The following PCDH15 variants were observed in gnomAD, a reference collection of about 807,000 sequenced individuals.
PCDH15 encodes the protein protocadherin-15.
PCDH15 carries 129 observed loss-of-function variants against 178.5 expected under a neutral mutation model. The ratio of observed to expected loss-of-function variants is 0.72; its 90% CI spans 0.63 to 0.84. PCDH15 has a LOEUF of 0.84. Ranked by LOEUF, PCDH15 falls within the 40% of genes least tolerant of loss-of-function variation. The pLI, the probability that PCDH15 is intolerant of heterozygous loss-of-function variation, is 0.00. For synonymous variants in PCDH15, 800 were observed against 732.0 expected (o/e 1.09, Z -1.50); for missense variants, 2,230 against 2,099.9 (o/e 1.06, Z -1.21).
Position 55,495,409 on chromosome 10 carries a change from CA to C in PCDH15, c.-156+132215del, listed in dbSNP as rs553491005. On this transcript the variant is annotated intron_variant, in intron 2 of 5. Transcript: ENST00000613346. The stretch of plus-strand genomic sequence containing the variant: ...GAATTTACAAAGAATTATCAGAACT[CA>C]ATAATAAAAAGACATATAATCCAAT... 1.8e-3 allele frequency among the ~76,000 whole-genome samples: 275 copies of C among 151,612 alleles called. 1 individual carries two copies. Among genetic ancestry groups the C allele is most frequent in the African/African-American group, 5.9e-3 (245 of 41,452 alleles).
At chr10:55,236,685 C>A (rs766754593) in intron 1 of PCDH15, among the ~76,000 whole-genome samples, 1 of 151,816 alleles carries the variant, frequency 6.6e-6, no homozygotes, top group Non-Finnish European at 1.5e-5. Context: ...CAAAAGTTGG[C>A]GTTTTCCTAT....
At chr10:55,423,460 C>A (rs1390830956) in intron 2 of PCDH15, among the ~76,000 whole-genome samples, 1 of 151,762 alleles carries the variant, frequency 6.6e-6, no homozygotes, top group Non-Finnish European at 1.5e-5. Context: ...TAGAATGAAA[C>A]AAATGGTTGA....
At chr10:55,557,927 T>C (rs553392999) in intron 2 of PCDH15, among the ~76,000 whole-genome samples, 3 of 152,158 alleles carry the variant, frequency 2.0e-5, no homozygotes, top group African/African-American at 4.8e-5. Context: ...GAAAACCTAT[T>C]TGATGGACTT....
At chr10:54,905,797 A>C (rs1300921082) in intron 2 of PCDH15, among the ~76,000 whole-genome samples, 1 of 152,132 alleles carries the variant, frequency 6.6e-6, no homozygotes, top group Non-Finnish European at 1.5e-5. Flanking sequence ...TCAAAACAGA[A>C]CAGTTGCAGA....
intron 1 of PCDH15, among the ~76,000 whole-genome samples, chr10:54,779,410 A>ATACATATACACACACACATATATGTG (rs1950042217): frequency 9.4e-6 from 1 of 106,012 alleles, no homozygotes; most frequent in Non-Finnish European, 1.9e-5. Context: ...ATATATGTAT[A>ATACATATACACACACACATATATGTG]TATATATATA....
At chr10:55,032,804 G>C (rs78869793) in intron 2 of PCDH15, among the ~76,000 whole-genome samples, 29 of 152,260 alleles carry the variant, frequency 1.9e-4, no homozygotes, top group African/African-American at 6.7e-4. Flanking sequence ...CAGGTCCAAA[G>C]TGCCAGGGCC....
chr10:55,000,528 G>A (rs1286420322), intron 2 of PCDH15, among the ~76,000 whole-genome samples: 1 of 151,974 alleles, frequency 6.6e-6, no homozygotes, highest in African/African-American at 2.4e-5. Flanking sequence ...TCATCACAGG[G>A]TCCTGAGGCG....
At chr10:54,730,868 A>G (rs1394762226) in intron 1 of PCDH15, among the ~76,000 whole-genome samples, 2 of 151,500 alleles carry the variant, frequency 1.3e-5, no homozygotes, top group Non-Finnish European at 3.0e-5. Flanking sequence ...TGTGTGTGTA[A>G]TATCTCAAAA....
intron 2 of PCDH15, among the ~76,000 whole-genome samples, chr10:54,947,317 C>T (rs1394823532): frequency 6.6e-6 from 1 of 151,834 alleles, no homozygotes; most frequent in Non-Finnish European, 1.5e-5. Flanking sequence ...AATGAAAATA[C>T]AGATAGTTTT....
chr10:53,914,400 G>T (rs1379253138), intron 25 of PCDH15, among the ~76,000 whole-genome samples: 1 of 152,156 alleles, frequency 6.6e-6, no homozygotes, highest in Non-Finnish European at 1.5e-5. Context: ...TTAAGAAAAT[G>T]TGGCACATAT....
At chr10:55,115,018 T>G (rs1461156661) in intron 2 of PCDH15, among the ~76,000 whole-genome samples, 1 of 152,204 alleles carries the variant, frequency 6.6e-6, no homozygotes, top group Non-Finnish European at 1.5e-5. Context: ...TTAAGTTATA[T>G]CAACAGCAGT....
rs1314313545 is a variant in PCDH15, at chr10:53,810,485, C to T, written c.4671+71G>A. Reference sequence around the variant, plus strand: ...TCTAAAAGCTGAAATGTTCTACAGCCGCTAGTCACGTAGGGTTAAACAATA... The same window carrying T: ...TCTAAAAGCTGAAATGTTCTACAGCTGCTAGTCACGTAGGGTTAAACAATA... On this transcript the variant is annotated intron_variant, in intron 37 of 37. Coordinates refer to ENST00000644397, the MANE Select transcript of PCDH15 (RefSeq NM_001384140.1). The T allele has an allele frequency of 1.9e-5, 26 of 1,347,554 alleles. No individual in the cohort carries two copies. The East Asian group carries it at 2.5e-4, about 13-fold the overall frequency. The allele number at this position is 1,347,554 out of a possible 1,614,324, so 83.5% of individuals were successfully genotyped here. A position where few individuals can be genotyped will look rare whatever the true frequency, so the allele number is the denominator to read the frequency against.
At chr10:55,221,388 T>C (rs1840871169) in intron 1 of PCDH15, among the ~76,000 whole-genome samples, 1 of 152,136 alleles carries the variant, frequency 6.6e-6, no homozygotes, top group Admixed American at 6.5e-5. Flanking sequence ...TATTTACACA[T>C]AATAAAATAT....
chr10:55,430,004 T>C (rs1490545315), intron 2 of PCDH15, among the ~76,000 whole-genome samples: 1 of 152,204 alleles, frequency 6.6e-6, no homozygotes, highest in Non-Finnish European at 1.5e-5. Flanking sequence ...TTTCTTGGCA[T>C]ACTTTTAAAT....
chr10:55,120,301 G>T (rs1308376120), intron 2 of PCDH15, among the ~76,000 whole-genome samples: 1 of 152,194 alleles, frequency 6.6e-6, no homozygotes, highest in Non-Finnish European at 1.5e-5. Flanking sequence ...AAGGAAGACA[G>T]AAGGAAGAAT....
At chr10:55,568,639 C>G (rs1387511065) in intron 2 of PCDH15, among the ~76,000 whole-genome samples, 1 of 151,968 alleles carries the variant, frequency 6.6e-6, no homozygotes, top group African/African-American at 2.4e-5. Flanking sequence ...GCTAATTTGA[C>G]ATGTTATCGG....
rs1565032191 is a variant in PCDH15 at position 55,341,792 on chromosome 10, TATATATA to T, written c.-155-175148_-155-175142del. On this transcript the variant is annotated intron_variant, in intron 2 of 5. Coordinates refer to the PCDH15 transcript ENST00000613346. ...ATATATATATATATATATATATATATATATATATATATATTTTTTTTTTTTTTTTTTT... is the reference window on the plus strand; with the variant it reads ...ATATATATATATATATATATATATATTATATATTTTTTTTTTTTTTTTTTT... Among the ~76,000 whole-genome samples the T allele has an allele frequency of 7.8e-3, 100 of 12,750 alleles. 1 individual carries two copies. The highest frequency in any genetic ancestry group is 0.013 in the Non-Finnish European group (79 of 6,236). 8.4% of individuals were successfully genotyped at this position (12,750 alleles called of 152,430 possible).
chr10:54,057,585 C>G (rs537151937), intron 18 of PCDH15, among the ~76,000 whole-genome samples: 1 of 152,100 alleles, frequency 6.6e-6, no homozygotes, highest in Non-Finnish European at 1.5e-5. Flanking sequence ...GCCCAGGAAA[C>G]CATTTTTTCC....
chr10:55,184,693 G>T (rs1839747867), intron 1 of PCDH15, among the ~76,000 whole-genome samples: 1 of 151,834 alleles, frequency 6.6e-6, no homozygotes, highest in African/African-American at 2.4e-5. Context: ...CAGCTGTAGA[G>T]GGTATATTTT....
Sources: gnomAD v4.1 joint callset for allele counts (sites outside exome capture counted in the v4.1 genomes callset) on GRCh38, gnomAD v4.1.1 for gene constraint, MANE v1.5 for transcripts, NCBI Gene and HGNC (gene_info 2026-07-23, HGNC 2026-07-21) for gene names.